ELFN1: variants seen among roughly 807,000 people sequenced by gnomAD.
ELFN1 encodes extracellular leucine rich repeat and fibronectin type III domain containing 1.
A neutral mutation model predicts 7.6 loss-of-function variants in ELFN1; 6 were observed. The ratio of observed to expected loss-of-function variants is 0.79; its 90% CI spans 0.43 to 1.56. The LOEUF (loss-of-function observed/expected upper bound fraction) is 1.56. Among genes scored for constraint, ELFN1 ranks in the 40% most tolerant of loss-of-function variants. The probability of loss-of-function intolerance (pLI) is 0.01; values close to 1 mark genes in which losing one functional copy is unlikely to be tolerated. For missense variants in ELFN1, 1,169 were observed against 1,232.2 expected (o/e 0.95, Z 0.77); for synonymous variants, 657 against 588.1 (o/e 1.12, Z -1.70).
chr7:1,670,711 C>T lies in ELFN1; in HGVS notation c.-549+357C>T, dbSNP rs1778748060. Among the ~76,000 whole-genome samples the T allele has an allele frequency of 6.6e-6, 1 of 152,188 alleles. No homozygotes were observed. Among genetic ancestry groups the T allele is most frequent in the Admixed American group, 6.5e-5 (1 of 15,290 alleles). Reference sequence around the variant, plus strand: ...CGCCGTCCGCACCCTGCCCGGCGCCCCCCAGACGCGGCCCCCTGCCCTTCC... The same window carrying T: ...CGCCGTCCGCACCCTGCCCGGCGCCTCCCAGACGCGGCCCCCTGCCCTTCC... On this transcript the variant is annotated intron_variant, in intron 1 of 3. Transcript: ENST00000424383. The surrounding 1 kb of genome is among the most constrained non-coding windows in gnomAD (Gnocchi z 6.4).
chr7:1,669,401 G>C (rs936926313), upstream of ELFN1, among the ~76,000 whole-genome samples: 2 of 152,032 alleles, frequency 1.3e-5, no homozygotes, highest in African/African-American at 4.8e-5. Context: ...AGGGTCCCCA[G>C]GCGCCGGCCG....
chr7:1,746,751 C>T lies in ELFN1; in HGVS notation c.2155C>T (p.Pro719Ser), dbSNP rs1206838363. ...CCACCCGGCCGAGCCACCTGCGCCC[C>T]CCGGGCCACCGCCGCCGCCTCCGCA... is the stretch of plus-strand genomic sequence containing the variant. ...GSHPAEPPAP[P>S]GPPPPPPHEG... The change falls in exon 4 of 4, where the codon CCC (proline) becomes TCC (serine). Residue 719 changes from proline to serine, a missense_variant. By Grantham distance (74) the Pro-to-Ser change is moderately conservative. Transcript: ENST00000424383. 8.7e-6 allele frequency: 13 copies of T among 1,499,694 alleles called. No individual in the cohort carries two copies. Among genetic ancestry groups the T allele is most frequent in the Non-Finnish European group, 1.1e-5 (13 of 1,131,034 alleles). 92.9% of individuals were successfully genotyped at this position (1,499,694 alleles called of 1,614,324 possible). A position where few individuals can be genotyped will look rare whatever the true frequency, so the allele number is the denominator to read the frequency against.
chr7:1,727,736 G>T (rs901730009), intron 3 of ELFN1, among the ~76,000 whole-genome samples: 1 of 152,070 alleles, frequency 6.6e-6, no homozygotes, highest in African/African-American at 2.4e-5. Flanking sequence ...AGCCTCCCAA[G>T]CAGGTGAGAC....
rs12672562 is a variant in ELFN1, at chr7:1,739,473, C to T, written c.-293-4831C>T. ...CGGGAACTTGGAGCAGCCACTTAGACGCAACGGGGGAGAATCTTCAAGTCG... is the reference window on the plus strand; with the variant it reads ...CGGGAACTTGGAGCAGCCACTTAGATGCAACGGGGGAGAATCTTCAAGTCG... On this transcript the variant is annotated intron_variant, in intron 3 of 3. Transcript: ENST00000424383. The surrounding 1 kb of genome is among the most constrained non-coding windows in gnomAD (Gnocchi z 4.6). 45,327 of 152,280 alleles carry T rather than the reference C, an allele frequency of 0.3. 6,857 individuals carry two copies. Among genetic ancestry groups the T allele is most frequent in the Middle Eastern group, 0.41 (122 of 296 alleles). 9.4% of individuals were successfully genotyped at this position (152,280 alleles called of 1,614,324 possible).
intron 2 of ELFN1, among the ~76,000 whole-genome samples, chr7:1,698,448 G>A (rs1779362534): frequency 2.0e-5 from 3 of 152,148 alleles, no homozygotes; most frequent in Admixed American, 6.6e-5. Context: ...GGGGCGAGGG[G>A]GCCTGGCCAC....
At chr7:1,721,926 A>G (rs1780034717) in intron 3 of ELFN1, among the ~76,000 whole-genome samples, 1 of 151,950 alleles carries the variant, frequency 6.6e-6, no homozygotes, top group Non-Finnish European at 1.5e-5. Flanking sequence ...CTTTTGTGTG[A>G]CTCACTGCCA....
intron 3 of ELFN1, among the ~76,000 whole-genome samples, chr7:1,713,711 G>C (rs1348947447): frequency 2.0e-5 from 3 of 152,154 alleles, no homozygotes; most frequent in Admixed American, 2.0e-4. Flanking sequence ...CTCTCTGCAA[G>C]CCCCTTCCCC....
chr7:1,731,140 TC>T (rs1483515208), intron 3 of ELFN1, among the ~76,000 whole-genome samples: 3 of 152,078 alleles, frequency 2.0e-5, no homozygotes. Flanking sequence ...TATGAAAAAC[TC>T]TCTAAAGTTA....
Position 1,746,892 on chromosome 7 carries a change from C to T in ELFN1, c.2296C>T (p.Pro766Ser). 6.5e-7 allele frequency: 1 copy of T among 1,546,654 alleles called. No homozygotes were observed. The highest frequency in any genetic ancestry group is 8.7e-7 in the Non-Finnish European group (1 of 1,144,882). ...CCACAGCCTGAGCTACTCCTCCAGC[C>T]CCGAGTACACCTGCCGGGCCTCCCA... The part of the protein sequence containing the change: ...QYHSLSYSSS[P>S]EYTCRASQSI... Residue 766 changes from proline to serine, a missense_variant, in exon 4 of 4, where the codon CCC becomes TCC. By Grantham distance (74) the Pro-to-Ser change is moderately conservative. Coordinates refer to ENST00000424383, the MANE Select transcript of ELFN1 (RefSeq NM_001128636.4).
chr7:1,690,419 G>A (rs1287954339), intron 2 of ELFN1, among the ~76,000 whole-genome samples: 1 of 151,370 alleles, frequency 6.6e-6, no homozygotes, highest in Admixed American at 6.6e-5. Flanking sequence ...ATGAATGGAT[G>A]GATGAATGGG....
At chr7:1,704,440 C>T (rs1260745577) in intron 2 of ELFN1, among the ~76,000 whole-genome samples, 2 of 152,168 alleles carry the variant, frequency 1.3e-5, no homozygotes, top group Non-Finnish European at 2.9e-5. Context: ...CACAAGCACA[C>T]CTGCATGCAC....
chr7:1,680,440 G>A (rs1367411241), intron 1 of ELFN1, among the ~76,000 whole-genome samples: 1 of 152,204 alleles, frequency 6.6e-6, no homozygotes, highest in Non-Finnish European at 1.5e-5. Flanking sequence ...TCACCTGGGG[G>A]ACGATGCTGA....
Position 1,723,561 on chromosome 7 carries a change from C to G in ELFN1, c.-294+14309C>G, listed in dbSNP as rs533384271. Among the ~76,000 whole-genome samples, 3 of 152,338 alleles carry G rather than the reference C, an allele frequency of 2.0e-5. 1 individual carries two copies. The South Asian group carries it at 6.2e-4, about 32-fold the overall frequency. On this transcript the variant is annotated intron_variant, in intron 3 of 3. Transcript: ENST00000424383. ...GCCTCACAAGGTTCTGGTCCACTCT[C>G]TCATGGACATCTGGTGTCTGCCCTG...
At chr7:1,684,113 G>A (rs1779020288) in intron 1 of ELFN1, among the ~76,000 whole-genome samples, 1 of 151,982 alleles carries the variant, frequency 6.6e-6, no homozygotes, top group South Asian at 2.1e-4. Context: ...TTACACCACT[G>A]TACTCCAGCC....
At chr7:1,718,146 C>T (rs952551618) in intron 3 of ELFN1, among the ~76,000 whole-genome samples, 4 of 152,240 alleles carry the variant, frequency 2.6e-5, no homozygotes, top group Non-Finnish European at 5.9e-5. Flanking sequence ...AAGGGGCATG[C>T]ATGCCCATTC....
At chr7:1,687,804 C>G (rs1002465887) in intron 1 of ELFN1, among the ~76,000 whole-genome samples, 1 of 152,006 alleles carries the variant, frequency 6.6e-6, no homozygotes, top group South Asian at 2.1e-4. Context: ...CTAGTGAACA[C>G]CTTTTCATAA....
intron 1 of ELFN1, among the ~76,000 whole-genome samples, chr7:1,679,176 C>T (rs540255506): frequency 1.8e-4 from 26 of 142,196 alleles, no homozygotes; most frequent in Admixed American, 4.7e-4. Context: ...CACACGTACG[C>T]GCGCACACAC....
intron 3 of ELFN1, among the ~76,000 whole-genome samples, chr7:1,716,725 C>T (rs899250925): frequency 6.6e-6 from 1 of 152,230 alleles, no homozygotes; most frequent in Non-Finnish European, 1.5e-5. Context: ...TGCAGCCGCA[C>T]TCCCCCAGCC....
rs577092057 is a variant in ELFN1 at position 1,690,143 on chromosome 7, G to A, written c.-456+1993G>A. Among the ~76,000 whole-genome samples the A allele has an allele frequency of 1.6e-4, 24 of 152,198 alleles. 1 individual carries two copies. In the South Asian group the frequency reaches 1.9e-3, roughly 12 times the overall value. The stretch of plus-strand genomic sequence containing the variant: ...CGGGTGGATGGATGAGCAAGTGGAT[G>A]GATGGATGGATAGGTGAGTGGATGG... On this transcript the variant is annotated intron_variant, in intron 2 of 3. Transcript: ENST00000424383.
Sources: allele counts gnomAD v4.1 joint callset (sites outside exome capture counted in the v4.1 genomes callset), GRCh38; gene constraint gnomAD v4.1.1; non-coding constraint Gnocchi (gnomAD v3.1); transcripts MANE v1.5; gene names NCBI Gene and HGNC (gene_info 2026-07-23, HGNC 2026-07-21).